ZNF736: variants seen among roughly 807,000 people sequenced by gnomAD.
ZNF736 encodes KRAB-containing zinc-finger repressor protein.
In ZNF736, 6 loss-of-function variants were observed where a neutral mutation model predicts 11.7. The observed-to-expected ratio is 0.51, with a 90% CI of 0.28 to 1.01. ZNF736 has a LOEUF of 1.01. Ranked by LOEUF, ZNF736 falls within the 50% of genes least tolerant of loss-of-function variation. ZNF736 has a pLI of 0.09. For missense variants in ZNF736, 444 were observed against 496.0 expected, an observed-to-expected ratio of 0.90 and a Z score of 1.00; for synonymous variants, 139 against 164.7, an observed-to-expected ratio of 0.84 and a Z score of 1.19.
At chr7:64,344,373 T>C (rs901777746) in intron 3 of ZNF736, among the ~76,000 whole-genome samples, 2 of 152,346 alleles carry the variant, frequency 1.3e-5, no homozygotes, top group Admixed American at 6.5e-5. Context: ...TTAAGTATAT[T>C]GACATTTTTA....
At chr7:64,316,672 A>G (rs943209487) in intron 1 of ZNF736, among the ~76,000 whole-genome samples, 1 of 152,092 alleles carries the variant, frequency 6.6e-6, no homozygotes, top group Non-Finnish European at 1.5e-5. Flanking sequence ...TTCAATATAT[A>G]TGTTCAGTTA....
At chr7:64,322,936 T>G (rs1278856408) in intron 1 of ZNF736, among the ~76,000 whole-genome samples, 1 of 152,244 alleles carries the variant, frequency 6.6e-6, no homozygotes, top group Non-Finnish European at 1.5e-5. Context: ...TCTCTATTAC[T>G]TAATTACTAA....
At chr7:64,336,073 G>C (rs539038581) in intron 1 of ZNF736, among the ~76,000 whole-genome samples, 186 bp from the exon 2 acceptor site, 1 of 152,272 alleles carries the variant, frequency 6.6e-6, no homozygotes, top group South Asian at 2.1e-4. Flanking sequence ...CTGGTTTCAT[G>C]ATCTTATGCC....
chr7:64,352,852 G>A lies in ZNF736; in HGVS notation c.*3705G>A, dbSNP rs10239221. The A allele has an allele frequency of 0.31, 46,869 of 152,164 alleles. 7,378 individuals are homozygous for A. Among genetic ancestry groups the A allele is most frequent in the African/African-American group, 0.34 (13,921 of 41,486 alleles). 9.4% of individuals were successfully genotyped at this position (152,164 alleles called of 1,614,324 possible). On this transcript the variant is annotated 3_prime_UTR_variant, in exon 4 of 4. Coordinates refer to ENST00000423484, the MANE Select transcript of ZNF736 (RefSeq NM_001170905.3). ...TTTCTGGTAGCTCCATCCCAGGGAG[G>A]TGCAGTGCTGCTACCAATGGTTGGC...
At chr7:64,333,941 C>T (rs1022041546) in intron 1 of ZNF736, among the ~76,000 whole-genome samples, 1 of 152,148 alleles carries the variant, frequency 6.6e-6, no homozygotes, top group Non-Finnish European at 1.5e-5. Context: ...GGTACCAAAA[C>T]CGGTATATAG....
intron 3 of ZNF736, among the ~76,000 whole-genome samples, chr7:64,338,997 A>G (rs1466265550): frequency 6.6e-6 from 1 of 152,008 alleles, no homozygotes; most frequent in Non-Finnish European, 1.5e-5. Flanking sequence ...CTTGTTATAA[A>G]TCTTCTTGAT....
intron 1 of ZNF736, among the ~76,000 whole-genome samples, chr7:64,330,629 A>T (rs1176559116): frequency 6.6e-6 from 1 of 152,038 alleles, no homozygotes; most frequent in Non-Finnish European, 1.5e-5. Context: ...CTCAAGCAGG[A>T]GTCTCTCCAC....
intron 1 of ZNF736, among the ~76,000 whole-genome samples, chr7:64,319,488 CCT>C (rs1491440398): frequency 0.04 from 2,993 of 75,182 alleles, 801 homozygotes; most frequent in East Asian, 0.27. Flanking sequence ...ACATTTCTTC[CCT>C]TTTTTTTTTT....
In ZNF736 at chr7:64,353,745, T is replaced by C. The variant is rs1789520662; in HGVS notation, c.*4598T>C. On this transcript the variant is annotated 3_prime_UTR_variant, in exon 4 of 4. Coordinates refer to ENST00000423484, the MANE Select transcript of ZNF736 (RefSeq NM_001170905.3). The stretch of plus-strand genomic sequence containing the variant: ...CGTAAGTGACAGGATGATAGGAGTG[T>C]GGTAAGTGATCAGGATAATAATCTG... 6.6e-6 allele frequency: 1 copy of C among 152,210 alleles called. No homozygotes were observed. The highest frequency in any genetic ancestry group is 2.4e-5 in the African/African-American group (1 of 41,458). The allele number at this position is 152,210 out of a possible 1,614,324, so 9.4% of individuals were successfully genotyped here. A position where few individuals can be genotyped will look rare whatever the true frequency, so the allele number is the denominator to read the frequency against.
In ZNF736 at chr7:64,354,238, C is replaced by A. The variant is rs1789525938; in HGVS notation, c.*5091C>A. The A allele has an allele frequency of 6.6e-6, 1 of 152,130 alleles. No homozygotes were observed. The highest frequency in any genetic ancestry group is 2.4e-5 in the African/African-American group (1 of 41,438). 9.4% of individuals were successfully genotyped at this position (152,130 alleles called of 1,614,324 possible). A position where few individuals can be genotyped will look rare whatever the true frequency, so the allele number is the denominator to read the frequency against. Reference sequence around the variant, plus strand: ...CTTTTTTCTGTTGAACATATGACTTCTCTGGTCTGCTAAACACATACAGAC... The same window carrying A: ...CTTTTTTCTGTTGAACATATGACTTATCTGGTCTGCTAAACACATACAGAC... On this transcript the variant is annotated 3_prime_UTR_variant, in exon 4 of 4. Coordinates refer to ENST00000423484, the MANE Select transcript of ZNF736 (RefSeq NM_001170905.3).
At chr7:64,317,719 G>A (rs6969657) in intron 1 of ZNF736, among the ~76,000 whole-genome samples, 1 of 151,900 alleles carries the variant, frequency 6.6e-6, no homozygotes, top group Admixed American at 6.6e-5. Context: ...ATCTCAATCA[G>A]CTTTGACCAT....
intron 1 of ZNF736, among the ~76,000 whole-genome samples, chr7:64,317,089 T>C (rs1182677286): frequency 6.6e-6 from 1 of 152,232 alleles, no homozygotes; most frequent in Non-Finnish European, 1.5e-5. Context: ...CAACTCATTT[T>C]TTTAAAAAAT....
At position 64,344,297 on chromosome 7, in the gene ZNF736, T is replaced by G. The variant is rs577101821; in HGVS notation, c.227-3793T>G. On this transcript the variant is annotated intron_variant, in intron 3 of 3. Coordinates refer to ENST00000423484, the MANE Select transcript of ZNF736 (RefSeq NM_001170905.3). ...AGCCTGGGCTTCAAGAGCAAAACTC[T>G]GTCTAAAAAATAAAAATTAAAAAAT... Among the ~76,000 whole-genome samples, 13 of 152,296 alleles carry G rather than the reference T, an allele frequency of 8.5e-5. No homozygotes were observed. In the East Asian group the frequency reaches 2.5e-3, roughly 29 times the overall value.
chr7:64,320,721 A>C (rs759501550), intron 1 of ZNF736, among the ~76,000 whole-genome samples: 16 of 152,322 alleles, frequency 1.1e-4, no homozygotes, highest in South Asian at 6.2e-4. Flanking sequence ...TGAGGAAGTG[A>C]AAGAGCCCTC....
rs1381406138 is a variant in ZNF736, at chr7:64,314,020, C to G, written c.-131C>G. The G allele has an allele frequency of 1.6e-6, 2 of 1,284,494 alleles. No homozygotes were observed. Among genetic ancestry groups the G allele is most frequent in the African/African-American group, 1.5e-5 (1 of 67,888 alleles). 79.6% of individuals were successfully genotyped at this position (1,284,494 alleles called of 1,614,324 possible). ...TAGCTTCCGGGCTCTGATCCTAGTT[C>G]GCGTCTCCACTGTTCCATCTCCTCC... On this transcript the variant is annotated 5_prime_UTR_variant, in exon 1 of 4. Transcript: ENST00000423484.
chr7:64,342,324 TTTATC>T (rs1440248910), intron 3 of ZNF736, among the ~76,000 whole-genome samples: 1 of 152,178 alleles, frequency 6.6e-6, no homozygotes, highest in Non-Finnish European at 1.5e-5. Flanking sequence ...AGTGAGAACT[TTTATC>T]AGAGCACAAA....
chr7:64,317,895 A>G (rs956816321), intron 1 of ZNF736, among the ~76,000 whole-genome samples: 21 of 152,146 alleles, frequency 1.4e-4, no homozygotes, highest in African/African-American at 5.1e-4. Context: ...TTCTTTAAGA[A>G]AAACCACATT....
At chr7:64,323,248 A>T (rs1454060830) in intron 1 of ZNF736, among the ~76,000 whole-genome samples, 1 of 152,182 alleles carries the variant, frequency 6.6e-6, no homozygotes, top group African/African-American at 2.4e-5. Flanking sequence ...AGTAATAAAT[A>T]TTTTTTAAAA....
intron 1 of ZNF736, among the ~76,000 whole-genome samples, chr7:64,333,385 A>G (rs1354850160): frequency 6.6e-6 from 1 of 152,196 alleles, no homozygotes; most frequent in African/African-American, 2.4e-5. Context: ...TACCTGCAAC[A>G]TTACAAATGT....
Sources: gnomAD v4.1 joint callset for allele counts (sites outside exome capture counted in the v4.1 genomes callset) on GRCh38, gnomAD v4.1.1 for gene constraint, MANE v1.5 for transcripts, NCBI Gene and HGNC (gene_info 2026-07-23, HGNC 2026-07-21) for gene names.